The following TBC1D4 variants were observed in gnomAD, a reference collection of about 807,000 sequenced individuals.
The protein encoded by TBC1D4 is TBC1 domain family member 4.
Under a neutral mutation model 142.5 loss-of-function variants are expected in TBC1D4, and 121 were observed. That is an observed-to-expected ratio of 0.85 (90% CI 0.73 to 0.99). The LOEUF is 0.99. TBC1D4 is among the 50% of genes least tolerant of loss of function. TBC1D4 has a pLI of 0.00. For missense variants in TBC1D4, 1,475 were observed against 1,606.6 expected, an observed-to-expected ratio of 0.92 and a Z score of 1.40; for synonymous variants, 630 against 628.2, an observed-to-expected ratio of 1.00 and a Z score of -0.04.
In TBC1D4 at chr13:75,362,554, C is replaced by T. The variant is rs1191245835; in HGVS notation, c.552G>A (p.Glu184=). 6.2e-7 allele frequency: 1 copy of T among 1,614,090 alleles called. No individual in the cohort carries two copies. The highest frequency in any genetic ancestry group is 1.3e-5 in the African/African-American group (1 of 74,926). The change falls in exon 2 of 21, where the codon GAG becomes GAA. Residue 184 remains glutamate (E), a synonymous_variant. Transcript: ENST00000377636. The surrounding 1 kb of genome is among the most constrained non-coding windows in gnomAD (Gnocchi z 4.2). ...CATTATCTTTGCTGGGTTTGGCATCCTCTTTCATGGCCGCTTTAGATAATT... is the reference window on the plus strand; with the variant it reads ...CATTATCTTTGCTGGGTTTGGCATCTTCTTTCATGGCCGCTTTAGATAATT... ...IRQLSKAAMK[E]DAKPSKDNED...
chr13:75,324,490 G>A, intron 10 of TBC1D4, 89 bp from the exon 11 acceptor site: 3 of 1,476,736 alleles, frequency 2.0e-6, no homozygotes, highest in East Asian at 2.4e-5. Flanking sequence ...ACAGGTTCTT[G>A]CTATTAATTT....
chr13:75,369,769 G>A (rs763887588), intron 1 of TBC1D4, among the ~76,000 whole-genome samples: 5 of 152,112 alleles, frequency 3.3e-5, no homozygotes, highest in African/African-American at 7.2e-5. Context: ...ACAGTGCTGC[G>A]ACAATGAAAG....
intron 1 of TBC1D4, among the ~76,000 whole-genome samples, chr13:75,372,094 T>A (rs368346550): frequency 2.0e-5 from 3 of 152,296 alleles, no homozygotes; most frequent in East Asian, 1.9e-4. Flanking sequence ...CCATTTTCTA[T>A]ATGGAACATT....
rs551996482 is a variant in TBC1D4, at chr13:75,338,953, C to T, written c.1612-1913G>A. ...AGTCACTAAGTCCTAATGATTATGC[C>T]GCCTAAATAGCTCTTCACTCAGTTC... On this transcript the variant is annotated intron_variant, in intron 7 of 20. Transcript: ENST00000377636. Among the ~76,000 whole-genome samples, 16 of 152,274 alleles carry T rather than the reference C, an allele frequency of 1.1e-4. No homozygotes were observed. The East Asian group carries it at 1.4e-3, about 13-fold the overall frequency.
At position 75,437,563 on chromosome 13, in the gene TBC1D4, C is replaced by A. The variant is rs530612537; in HGVS notation, c.498+43707G>T. Among the ~76,000 whole-genome samples, 248 of 151,778 alleles carry A rather than the reference C, an allele frequency of 1.6e-3. 1 individual carries two copies. The highest frequency in any genetic ancestry group is 5.8e-3 in the African/African-American group (238 of 41,272). On this transcript the variant is annotated intron_variant, in intron 1 of 20. Transcript: ENST00000377636. ...TCAGCAGTGCAGTAGCAAAATTATT[C>A]CCTTAAATTCCTTTAAGTGCTATTC...
chr13:75,284,391 G>A lies in TBC1D4; in HGVS notation c.*2401C>T, dbSNP rs989320738. Among the ~76,000 whole-genome samples, 4 of 152,264 alleles carry A rather than the reference G, an allele frequency of 2.6e-5. No individual in the cohort carries two copies. Among genetic ancestry groups the A allele is most frequent in the South Asian group, 4.1e-4 (2 of 4,820 alleles). On this transcript the variant is annotated 3_prime_UTR_variant, in exon 21 of 21. Coordinates refer to ENST00000377636, the MANE Select transcript of TBC1D4 (RefSeq NM_014832.5). ...TAGACGATCCCATCTGGGGATGATG[G>A]GAGACAGTGACAGATCATCAGGCAT...
intron 4 of TBC1D4, among the ~76,000 whole-genome samples, chr13:75,352,990 T>C (rs922155138): frequency 3.3e-5 from 5 of 152,262 alleles, no homozygotes; most frequent in African/African-American, 1.2e-4. Flanking sequence ...CTTGCAGTTC[T>C]ATTGCCTCAC....
chr13:75,452,681 A>G (rs1331340146), intron 1 of TBC1D4, among the ~76,000 whole-genome samples: 1 of 152,224 alleles, frequency 6.6e-6, no homozygotes, highest in Non-Finnish European at 1.5e-5. Context: ...ATTTTCAACA[A>G]AGAAACTGGT....
chr13:75,376,874 T>C (rs1883540460), intron 1 of TBC1D4, among the ~76,000 whole-genome samples: 1 of 152,186 alleles, frequency 6.6e-6, no homozygotes, highest in African/African-American at 2.4e-5. Flanking sequence ...CATTTCAGCT[T>C]ACAAATATAG....
chr13:75,338,297 A>C (rs959755644), intron 7 of TBC1D4, among the ~76,000 whole-genome samples: 1 of 152,034 alleles, frequency 6.6e-6, no homozygotes, highest in African/African-American at 2.4e-5. Flanking sequence ...GAAAAAAAAA[A>C]CAATGGGTAT....
At chr13:75,360,002 AC>A in intron 2 of TBC1D4, 144 bp from the exon 3 acceptor site, 1 of 683,528 alleles carries the variant, frequency 1.5e-6, no homozygotes, top group Admixed American at 2.6e-5. Context: ...ATCTAATCCA[AC>A]CAATATTTTT....
At chr13:75,480,713 G>T (rs1384780589) in intron 1 of TBC1D4, among the ~76,000 whole-genome samples, 1 of 152,146 alleles carries the variant, frequency 6.6e-6, no homozygotes. Flanking sequence ...TTTTCCCTAA[G>T]CCCCGCTCGG....
In TBC1D4 at chr13:75,368,727, TG is replaced by T. The variant is rs531673544; in HGVS notation, c.499-6121del. Among the ~76,000 whole-genome samples, 459 of 152,252 alleles carry T rather than the reference TG, an allele frequency of 3.0e-3. 4 individuals carry two copies. Among genetic ancestry groups the T allele is most frequent in the African/African-American group, 0.011 (437 of 41,548 alleles). ...AAAGAGTAACTCACAGGAAAAAATC[TG>T]GGGAATCATGATTTGATAAAGAGAA... On this transcript the variant is annotated intron_variant, in intron 1 of 20. Coordinates refer to ENST00000377636, the MANE Select transcript of TBC1D4 (RefSeq NM_014832.5).
At chr13:75,359,097 T>G (rs957953488) in intron 3 of TBC1D4, among the ~76,000 whole-genome samples, 6 of 152,084 alleles carry the variant, frequency 3.9e-5, no homozygotes, top group Non-Finnish European at 8.8e-5. Context: ...AAGAAGTGAA[T>G]TCTCAATTCC....
At chr13:75,311,094 C>T (rs757517512) in intron 13 of TBC1D4, among the ~76,000 whole-genome samples, 5 of 152,232 alleles carry the variant, frequency 3.3e-5, no homozygotes, top group Admixed American at 3.3e-4. Context: ...AATCACATCT[C>T]TTAAAACATT....
intron 1 of TBC1D4, among the ~76,000 whole-genome samples, chr13:75,432,324 T>A (rs1182945778): frequency 2.6e-5 from 4 of 152,186 alleles, no homozygotes; most frequent in Non-Finnish European, 5.9e-5. Flanking sequence ...AGGAACCTCG[T>A]GAGACTATGA....
chr13:75,412,755 T>C (rs1885733899), intron 1 of TBC1D4, among the ~76,000 whole-genome samples: 1 of 152,264 alleles, frequency 6.6e-6, no homozygotes, highest in Non-Finnish European at 1.5e-5. Flanking sequence ...TGGAAGTTTA[T>C]TTTAACATAT....
intron 1 of TBC1D4, among the ~76,000 whole-genome samples, chr13:75,405,356 G>A (rs1234129791): frequency 1.4e-5 from 2 of 141,674 alleles, no homozygotes; most frequent in African/African-American, 5.2e-5. Flanking sequence ...TGCAACCTCC[G>A]CCTCCCGGGT....
chr13:75,466,159 T>C (rs2031508), intron 1 of TBC1D4, among the ~76,000 whole-genome samples: 88,845 of 152,060 alleles, frequency 0.58, 26,210 homozygotes, highest in East Asian at 0.7. Flanking sequence ...TTGACTCTTT[T>C]CATCAACACC....
Sources: allele counts gnomAD v4.1 joint callset (sites outside exome capture counted in the v4.1 genomes callset), GRCh38; gene constraint gnomAD v4.1.1; non-coding constraint Gnocchi (gnomAD v3.1); transcripts MANE v1.5; gene names NCBI Gene and HGNC (gene_info 2026-07-23, HGNC 2026-07-21).